The following PRKN variants were observed in gnomAD, a reference collection of about 807,000 sequenced individuals.
PRKN encodes E3 ubiquitin-protein ligase parkin.
Under a neutral mutation model 59.5 loss-of-function variants are expected in PRKN, and 56 were observed. The ratio of observed to expected loss-of-function variants is 0.94; its 90% CI spans 0.76 to 1.18. The LOEUF is 1.18. PRKN is among the 50% of genes most tolerant of loss of function. The pLI is 0.00. For synonymous variants in PRKN, 250 were observed against 222.1 expected (o/e 1.13, Z -1.12); for missense variants, 657 against 596.4 (o/e 1.10, Z -1.06).
intron 1 of PRKN, among the ~76,000 whole-genome samples, chr6:162,655,658 GA>G (rs1778616773): frequency 6.6e-6 from 1 of 152,070 alleles, no homozygotes; most frequent in Non-Finnish European, 1.5e-5. Context: ...TCACAGAAAG[GA>G]AAGATTCAAT....
At chr6:161,744,402 T>A (rs1025463343) in intron 7 of PRKN, among the ~76,000 whole-genome samples, 4 of 151,714 alleles carry the variant, frequency 2.6e-5, no homozygotes, top group Non-Finnish European at 5.9e-5. Flanking sequence ...AGCAACAGAG[T>A]CCATTTCTGT....
At chr6:162,326,928 T>A (rs1312203175) in intron 2 of PRKN, among the ~76,000 whole-genome samples, 2 of 152,318 alleles carry the variant, frequency 1.3e-5, no homozygotes, top group African/African-American at 2.4e-5. Context: ...TACATTTTTT[T>A]AAAGAATAAT....
intron 3 of PRKN, among the ~76,000 whole-genome samples, chr6:162,243,076 C>T (rs896101734): frequency 8.6e-5 from 13 of 151,762 alleles, no homozygotes; most frequent in African/African-American, 2.9e-4. Flanking sequence ...GCACTGTTCT[C>T]ATCAGAGCTA....
At chr6:162,175,978 A>T (rs894210764) in intron 4 of PRKN, among the ~76,000 whole-genome samples, 5 of 152,210 alleles carry the variant, frequency 3.3e-5, no homozygotes, top group African/African-American at 1.2e-4. Context: ...CAATGTTTTA[A>T]TTTTAAAGGT....
chr6:162,289,714 A>T (rs1781341578), intron 2 of PRKN, among the ~76,000 whole-genome samples: 1 of 151,952 alleles, frequency 6.6e-6, no homozygotes, highest in African/African-American at 2.4e-5. Flanking sequence ...TTTTTGAAGA[A>T]CACAATTCAC....
chr6:162,093,628 T>C (rs1173045198), intron 4 of PRKN, among the ~76,000 whole-genome samples: 1 of 152,218 alleles, frequency 6.6e-6, no homozygotes, highest in Admixed American at 6.5e-5. Context: ...TTCTTGTCAG[T>C]GCGTGGGGTA....
At chr6:162,234,779 A>T (rs2128087577) in intron 3 of PRKN, among the ~76,000 whole-genome samples, 1 of 152,362 alleles carries the variant, frequency 6.6e-6, no homozygotes, top group East Asian at 1.9e-4. Context: ...GACTGTGGTG[A>T]CAGACACCGT....
At chr6:161,874,239 T>C (rs1794526855) in intron 6 of PRKN, among the ~76,000 whole-genome samples, 1 of 22,134 alleles carries the variant, frequency 4.5e-5, no homozygotes, top group African/African-American at 1.4e-4. Flanking sequence ...ATATAATATA[T>C]AATATATAAT....
chr6:162,109,832 G>A (rs917069963), intron 4 of PRKN, among the ~76,000 whole-genome samples: 1 of 152,036 alleles, frequency 6.6e-6, no homozygotes, highest in African/African-American at 2.4e-5. Context: ...CTGTTTCCTG[G>A]TACTGTTGCT....
At chr6:161,749,971 C>T (rs1788606987) in intron 7 of PRKN, among the ~76,000 whole-genome samples, 1 of 151,956 alleles carries the variant, frequency 6.6e-6, no homozygotes, top group Non-Finnish European at 1.5e-5. Context: ...TTTTATAGTC[C>T]TCTGTGTTTG....
chr6:161,812,548 C>G (rs1466757908), intron 6 of PRKN, among the ~76,000 whole-genome samples: 3 of 152,058 alleles, frequency 2.0e-5, no homozygotes, highest in East Asian at 1.9e-4. Flanking sequence ...AACCAAGCAA[C>G]CAACAACCCA....
chr6:162,643,401 A>AG (rs1192264306), intron 1 of PRKN, among the ~76,000 whole-genome samples: 3 of 149,110 alleles, frequency 2.0e-5, no homozygotes, highest in Non-Finnish European at 3.0e-5. Context: ...CTGCCTCAAA[A>AG]AAAAAAAAAA....
At chr6:161,543,998 A>G (rs549321018) in intron 9 of PRKN, among the ~76,000 whole-genome samples, 218 of 152,364 alleles carry the variant, frequency 1.4e-3, no homozygotes, top group African/African-American at 5.0e-3. Context: ...TAGGAAATCA[A>G]TTAATTTTTT....
intron 7 of PRKN, among the ~76,000 whole-genome samples, chr6:161,748,985 A>AG (rs1033436084): frequency 6.6e-6 from 1 of 152,200 alleles, no homozygotes; most frequent in South Asian, 2.1e-4. Flanking sequence ...ACCCGCCGCC[A>AG]GGGGGCAGCT....
chr6:162,148,243 C>G (rs986614872), intron 4 of PRKN, among the ~76,000 whole-genome samples: 1 of 152,114 alleles, frequency 6.6e-6, no homozygotes, highest in African/African-American at 2.4e-5. Context: ...AGTTTTGGTT[C>G]TTATTCTACT....
chr6:161,699,779 T>C (rs1786175343), intron 7 of PRKN, among the ~76,000 whole-genome samples: 1 of 152,138 alleles, frequency 6.6e-6, no homozygotes, highest in African/African-American at 2.4e-5. Context: ...ATAGAGAAGT[T>C]CACCGTCCTG....
At chr6:162,217,245 C>T (rs1777717408) in intron 3 of PRKN, among the ~76,000 whole-genome samples, 1 of 152,180 alleles carries the variant, frequency 6.6e-6, no homozygotes, top group Non-Finnish European at 1.5e-5. Flanking sequence ...GCATGGTTTC[C>T]ACATCCCTTT....
At chr6:161,768,888 A>C (rs1789541662) in intron 7 of PRKN, among the ~76,000 whole-genome samples, 1 of 152,228 alleles carries the variant, frequency 6.6e-6, no homozygotes. Flanking sequence ...GAGAAAAATA[A>C]TACAGAGTGG....
intron 2 of PRKN, among the ~76,000 whole-genome samples, chr6:162,309,090 C>G (rs1329092650): frequency 6.6e-6 from 1 of 152,232 alleles, no homozygotes; most frequent in South Asian, 2.1e-4. Context: ...AGAGACATGA[C>G]TGACCTTAAA....
Sources: allele counts gnomAD v4.1 joint callset (sites outside exome capture counted in the v4.1 genomes callset), GRCh38; gene constraint gnomAD v4.1.1; transcripts MANE v1.5; gene names NCBI Gene and HGNC (gene_info 2026-07-23, HGNC 2026-07-21).